Variants in COL4A5 observed in about 807,000 individuals in gnomAD.
The protein encoded by COL4A5 is collagen type IV alpha 5 chain.
COL4A5 carries 26 observed loss-of-function variants against 130.2 expected under a neutral mutation model. The observed-to-expected ratio is 0.20, with a 90% CI of 0.15 to 0.28. The LOEUF (loss-of-function observed/expected upper bound fraction) is 0.28. Among genes scored for constraint, COL4A5 ranks in the 10% least tolerant of loss-of-function variants. COL4A5 has a pLI of 1.00. For missense variants in COL4A5, 1,131 were observed against 1,344.3 expected, an observed-to-expected ratio of 0.84 and a Z score of 2.48; for synonymous variants, 496 against 439.6, an observed-to-expected ratio of 1.13 and a Z score of -1.60.
intron 2 of COL4A5, among the ~76,000 whole-genome samples, chrX:108,557,454 T>C (rs1437766675): frequency 8.9e-6 from 1 of 111,895 alleles, no homozygotes; most frequent in Non-Finnish European, 1.9e-5. Context: ...GTAATAATTA[T>C]TGTCAAAACT....
chrX:108,602,672 C>A (rs1342888424), intron 27 of COL4A5, among the ~76,000 whole-genome samples: 1 of 111,860 alleles, frequency 8.9e-6, no homozygotes, highest in Non-Finnish European at 1.9e-5. Flanking sequence ...AGTTCTTGGG[C>A]ATTTTTGTGT....
chrX:108,458,941 C>G (rs1458757836), intron 1 of COL4A5, among the ~76,000 whole-genome samples: 33 of 107,188 alleles, frequency 3.1e-4, no homozygotes, highest in Admixed American at 3.1e-3. Flanking sequence ...GATCGCGCCA[C>G]TGCACTCCAG....
intron 1 of COL4A5, among the ~76,000 whole-genome samples, chrX:108,491,754 G>T (rs901929812): frequency 6.3e-5 from 7 of 111,487 alleles, no homozygotes; most frequent in African/African-American, 2.3e-4. Flanking sequence ...TGAGGGAGTA[G>T]AAGTAACCTT....
chrX:108,550,011 A>G (rs1465827954), intron 2 of COL4A5, among the ~76,000 whole-genome samples: 1 of 111,773 alleles, frequency 8.9e-6, no homozygotes, highest in Non-Finnish European at 1.9e-5. Flanking sequence ...AATTAGCCCT[A>G]TATATACTAA....
chrX:108,510,262 T>G (rs2065168162), intron 1 of COL4A5, among the ~76,000 whole-genome samples: 1 of 111,275 alleles, frequency 9.0e-6, no homozygotes, highest in Non-Finnish European at 1.9e-5. Flanking sequence ...GTGACAAGAC[T>G]TTACCAATAT....
At chrX:108,665,424 G>A in intron 37 of COL4A5, 83 bp from the exon 38 acceptor site, 1 of 653,126 alleles carries the variant, frequency 1.5e-6, no homozygotes, top group Non-Finnish European at 2.5e-6. Flanking sequence ...TTCTATGCTA[G>A]CACTATAAAT....
intron 34 of COL4A5, among the ~76,000 whole-genome samples, chrX:108,625,480 AT>A (rs1030177022): frequency 6.3e-5 from 7 of 111,042 alleles, no homozygotes; most frequent in African/African-American, 1.6e-4. Context: ...TAACTTTTTA[AT>A]TTTTTTTTAA....
chrX:108,598,570 T>C, intron 24 of COL4A5, 132 bp from the exon 25 acceptor site: 1 of 608,144 alleles, frequency 1.6e-6, no homozygotes, highest in East Asian at 3.3e-5. Flanking sequence ...TACCATCTCA[T>C]AATACCACTC....
At chrX:108,670,382 G>T (rs2068177140) in intron 42 of COL4A5, 146 bp downstream of exon 42, 1 of 1,000,730 alleles carries the variant, frequency 1.0e-6, no homozygotes. Flanking sequence ...TAAGTTTTTA[G>T]GAACTTGTAG....
rs775182183 is a variant in COL4A5 at position 108,692,007 on chromosome X, A to G, written c.4529-741A>G. 7.2e-5 allele frequency among the ~76,000 whole-genome samples: 8 copies of G among 111,763 alleles called. No homozygotes were observed. The South Asian group carries it at 2.6e-3, about 37-fold the overall frequency. On this transcript the variant is annotated intron_variant, in intron 49 of 52. Transcript: ENST00000328300. ...ATAGCTAAAATCTTAATACTGGCAC[A>G]GTATCAATTTAAACTTACGATGAAA...
At position 108,597,435 on chromosome X, in the gene COL4A5, A is replaced by G; in HGVS notation, c.1646A>G (p.Asp549Gly). Residue 549 changes from aspartate (D) to glycine (G), a missense_variant, in exon 24 of 53, where the codon GAT becomes GGT. Asp to Gly is a moderately conservative substitution (Grantham distance 94). Transcript: ENST00000328300. ...CCTGGATCTAAAGGTGAACCTGGTG[A>G]TATCCTCACTTTTCCAGGAATGAAG... ...GFPGSKGEPG[D>G]ILTFPGMKGD... is the part of the protein sequence containing the mutation. The G allele has an allele frequency of 8.3e-7, 1 of 1,210,415 alleles. No individual in the cohort carries two copies. The highest frequency in any genetic ancestry group is 1.1e-6 in the Non-Finnish European group (1 of 894,975).
chrX:108,443,843 G>A (rs907152050), intron 1 of COL4A5, among the ~76,000 whole-genome samples: 1 of 111,659 alleles, frequency 9.0e-6, no homozygotes, highest in Admixed American at 9.5e-5. Context: ...TCATATATTT[G>A]CCCACTAATT....
At chrX:108,483,223 ATGTGTG>A (rs3081023) in intron 1 of COL4A5, among the ~76,000 whole-genome samples, 9 of 93,836 alleles carry the variant, frequency 9.6e-5, no homozygotes, top group Non-Finnish European at 1.4e-4. Context: ...GTGTGTGTGT[ATGTGTG>A]TGTGTGTGTG....
rs2068571829 is a variant in COL4A5, at chrX:108,687,551, C to A, written c.4385C>A (p.Ser1462Tyr). The A allele has an allele frequency of 8.3e-7, 1 of 1,209,722 alleles. No homozygotes were observed. Among genetic ancestry groups the A allele is most frequent in the African/African-American group, 1.8e-5 (1 of 57,058 alleles). ...LQGPPGPPGT[S>Y]SVAHGFLITR... The stretch of plus-strand genomic sequence containing the variant: ...GGTCCCCCAGGTCCCCCTGGAACCT[C>A]CTCTGTTGCACATGGATTTCTTATT... Residue 1462 changes from serine to tyrosine, a missense_variant, in exon 49 of 53, where the codon TCC becomes TAC. Ser to Tyr is a moderately radical substitution (Grantham distance 144). Coordinates refer to ENST00000328300, the MANE Select transcript of COL4A5 (RefSeq NM_033380.3).
At chrX:108,674,500 G>A (rs1400022190) in intron 42 of COL4A5, 5 of 293,517 alleles carry the variant, frequency 1.7e-5, no homozygotes, top group East Asian at 5.1e-5. Context: ...CTGGATTAAC[G>A]AAGACCAACA....
chrX:108,581,150 A>C (rs2066241880), intron 16 of COL4A5, 123 bp downstream of exon 16: 2 of 609,280 alleles, frequency 3.3e-6, no homozygotes, highest in East Asian at 3.4e-5. Flanking sequence ...AAATGAATTG[A>C]AATTATCCAG....
intron 1 of COL4A5, among the ~76,000 whole-genome samples, chrX:108,502,273 T>G (rs1450574881): frequency 1.8e-5 from 2 of 109,426 alleles, no homozygotes; most frequent in Non-Finnish European, 3.8e-5. Context: ...TGTTTTGTTT[T>G]GTTTTGTTTT....
At chrX:108,505,555 G>T (rs754994544) in intron 1 of COL4A5, among the ~76,000 whole-genome samples, 1 of 110,979 alleles carries the variant, frequency 9.0e-6, no homozygotes, top group Non-Finnish European at 1.9e-5. Flanking sequence ...AGGTCATAAA[G>T]GTGGAACTCT....
At chrX:108,567,808 GA>G (rs1300952594) in intron 4 of COL4A5, among the ~76,000 whole-genome samples, 8 of 111,262 alleles carry the variant, frequency 7.2e-5, no homozygotes, top group Admixed American at 1.9e-4. Context: ...CAGTATGGGG[GA>G]AACCACCCCC....
Sources: gnomAD v4.1 joint callset for allele counts (sites outside exome capture counted in the v4.1 genomes callset) on GRCh38, gnomAD v4.1.1 for gene constraint, MANE v1.5 for transcripts, NCBI Gene and HGNC (gene_info 2026-07-23, HGNC 2026-07-21) for gene names.